NTM: variants seen among roughly 807,000 people sequenced by gnomAD.
NTM encodes the protein neurotrimin.
Under a neutral mutation model 42.1 loss-of-function variants are expected in NTM, and 13 were observed. The observed-to-expected ratio is 0.31, with a 90% CI of 0.20 to 0.49. The LOEUF is 0.49. Ranked by LOEUF, NTM falls within the 20% of genes least tolerant of loss-of-function variation. The pLI is 0.99. For synonymous variants in NTM, 187 were observed against 179.2 expected, an observed-to-expected ratio of 1.04 and a Z score of -0.35; for missense variants, 373 against 452.8, an observed-to-expected ratio of 0.82 and a Z score of 1.60.
intron 4 of NTM, among the ~76,000 whole-genome samples, chr11:132,224,779 T>C (rs1415886238): frequency 6.6e-6 from 1 of 152,306 alleles, no homozygotes; most frequent in Admixed American, 6.5e-5. Context: ...TAGAGATATG[T>C]TGGGGGCCAA....
At chr11:131,538,622 T>A (rs2136758494) in intron 1 of NTM, 1 of 152,400 alleles carries the variant, frequency 6.6e-6, no homozygotes, top group Admixed American at 6.5e-5. Flanking sequence ...AGGCTGTTGG[T>A]TCTCTCTGGA....
chr11:132,298,966 T>G (rs1450282535), intron 4 of NTM, among the ~76,000 whole-genome samples: 1 of 152,202 alleles, frequency 6.6e-6, no homozygotes, highest in Admixed American at 6.5e-5. Context: ...CTATATTTAT[T>G]GCTTTATGAA....
chr11:131,421,684 C>T (rs1947543666), intron 1 of NTM, among the ~76,000 whole-genome samples: 1 of 152,202 alleles, frequency 6.6e-6, no homozygotes, highest in African/African-American at 2.4e-5. Context: ...CTGGTTCATG[C>T]TTCCCATGCT....
chr11:131,609,305 C>A (rs975955833), intron 1 of NTM, among the ~76,000 whole-genome samples: 8 of 152,200 alleles, frequency 5.3e-5, no homozygotes, highest in African/African-American at 1.9e-4. Flanking sequence ...GTGCTGTTTG[C>A]ATTGTTACGC....
intron 1 of NTM, among the ~76,000 whole-genome samples, chr11:131,421,716 G>T (rs2135832549): frequency 6.6e-6 from 1 of 152,308 alleles, no homozygotes; most frequent in East Asian, 1.9e-4. Flanking sequence ...TTTAAACAAA[G>T]CAACTGCTGA....
chr11:132,202,336 G>C (rs1253126658), intron 3 of NTM, among the ~76,000 whole-genome samples: 1 of 152,114 alleles, frequency 6.6e-6, no homozygotes, highest in Non-Finnish European at 1.5e-5. Context: ...GAAGGTGTTT[G>C]GTGTTTCTTT....
intron 1 of NTM, among the ~76,000 whole-genome samples, chr11:131,405,876 T>C (rs1945756127): frequency 6.6e-6 from 1 of 152,212 alleles, no homozygotes; most frequent in South Asian, 2.1e-4. Flanking sequence ...AGTTTGGTCT[T>C]ACTTCAGGGA....
intron 1 of NTM, among the ~76,000 whole-genome samples, chr11:131,789,484 GAAGAAGAGGAAAGA>G: frequency 1.1e-4 from 1 of 9,090 alleles, no homozygotes; most frequent in East Asian, 2.6e-3. Flanking sequence ...AGAAGAAGAA[GAAGAAGAGGAAAGA>G]AGAAGAAGAA....
chr11:132,204,513 G>C (rs950204936), intron 3 of NTM, among the ~76,000 whole-genome samples: 1 of 152,160 alleles, frequency 6.6e-6, no homozygotes, highest in Non-Finnish European at 1.5e-5. Context: ...TAGAAAGGGG[G>C]TTTGAGGAAG....
chr11:132,169,303 T>C (rs1279978305), intron 3 of NTM, among the ~76,000 whole-genome samples: 2 of 147,566 alleles, frequency 1.4e-5, no homozygotes, highest in Non-Finnish European at 3.0e-5. Context: ...GAGTGATATC[T>C]AGGTTTAATT....
chr11:131,495,242 A>C (rs535097516), intron 1 of NTM, among the ~76,000 whole-genome samples: 1 of 152,146 alleles, frequency 6.6e-6, no homozygotes, highest in South Asian at 2.1e-4. Context: ...ACAACCTGCC[A>C]CTTGCCATTC....
At chr11:131,910,983 G>A (rs549664199) in intron 1 of NTM, 1 of 996,598 alleles carries the variant, frequency 1.0e-6, no homozygotes, top group Non-Finnish European at 1.2e-6. Flanking sequence ...ATTGTTTTCC[G>A]GTGGCGAGCC....
chr11:131,932,699 G>T (rs546341086), intron 2 of NTM, among the ~76,000 whole-genome samples: 2 of 152,192 alleles, frequency 1.3e-5, no homozygotes, highest in African/African-American at 4.8e-5. Context: ...ATGAGCAGGC[G>T]TTGGTCATCA....
intron 1 of NTM, among the ~76,000 whole-genome samples, chr11:131,419,098 T>G (rs1171520884): frequency 1.3e-5 from 2 of 152,056 alleles, no homozygotes; most frequent in Admixed American, 6.6e-5. Flanking sequence ...TATCCATCCC[T>G]CAAAAAAATG....
chr11:131,542,686 G>A (rs2053435180), intron 1 of NTM, among the ~76,000 whole-genome samples: 1 of 152,098 alleles, frequency 6.6e-6, no homozygotes, highest in African/African-American at 2.4e-5. Flanking sequence ...TAGTGAGTTA[G>A]TTCAAGAGCC....
intron 1 of NTM, among the ~76,000 whole-genome samples, chr11:131,640,721 A>G (rs1473703968): frequency 6.6e-6 from 1 of 152,230 alleles, no homozygotes; most frequent in Admixed American, 6.5e-5. Flanking sequence ...AAAAACCTGT[A>G]GATGTCCTTG....
chr11:132,157,279 T>C (rs1328696564), intron 3 of NTM, among the ~76,000 whole-genome samples: 1 of 152,206 alleles, frequency 6.6e-6, no homozygotes, highest in Non-Finnish European at 1.5e-5. Context: ...CTGCCCCAAA[T>C]TTAGTCTTTG....
intron 1 of NTM, among the ~76,000 whole-genome samples, chr11:131,384,703 C>G (rs930237746): frequency 2.0e-5 from 3 of 151,980 alleles, no homozygotes; most frequent in Non-Finnish European, 4.4e-5. Flanking sequence ...AGAATAGGTA[C>G]AGAAAGAAGT....
chr11:132,289,507 C>T (rs2094380173), intron 4 of NTM, among the ~76,000 whole-genome samples: 1 of 152,168 alleles, frequency 6.6e-6, no homozygotes, highest in Non-Finnish European at 1.5e-5. Context: ...CCATGAGCCC[C>T]CTTTCTTTGC....
Sources: allele counts gnomAD v4.1 joint callset (sites outside exome capture counted in the v4.1 genomes callset), GRCh38; gene constraint gnomAD v4.1.1; transcripts MANE v1.5; gene names NCBI Gene and HGNC (gene_info 2026-07-23, HGNC 2026-07-21).